Variants in AP2B1 observed in about 807,000 individuals in gnomAD.
The protein encoded by AP2B1 is AP-2 complex subunit beta.
In AP2B1, 23 loss-of-function variants were observed where a neutral mutation model predicts 102.0. The observed-to-expected ratio is 0.23, with a 90% CI of 0.16 to 0.32. The LOEUF (loss-of-function observed/expected upper bound fraction) is 0.32, where lower values mean the gene tolerates loss of function less well. Ranked by LOEUF, AP2B1 falls within the 10% of genes least tolerant of loss-of-function variation. AP2B1 has a pLI of 1.00. For missense variants in AP2B1, 541 were observed against 1,157.4 expected, an observed-to-expected ratio of 0.47 and a Z score of 7.73; for synonymous variants, 381 against 421.2, an observed-to-expected ratio of 0.90 and a Z score of 1.17.
intron 11 of AP2B1, among the ~76,000 whole-genome samples, chr17:35,640,237 T>TTC (rs2074735878): frequency 6.9e-6 from 1 of 144,410 alleles, no homozygotes; most frequent in Non-Finnish European, 1.5e-5. Flanking sequence ...ATTTTTTTTT[T>TTC]TTTTTTTTTT....
chr17:35,717,370 G>A (rs1464162480), intron 21 of AP2B1, 21 bp downstream of exon 21: 1 of 1,613,636 alleles, frequency 6.2e-7, no homozygotes, highest in African/African-American at 1.3e-5. Context: ...TCTCAGAATG[G>A]GTGAGATGGA....
chr17:35,626,346 G>C (rs944156575), intron 6 of AP2B1, among the ~76,000 whole-genome samples: 6 of 152,068 alleles, frequency 3.9e-5, no homozygotes, highest in Non-Finnish European at 8.8e-5. Flanking sequence ...GTGAGCTCAA[G>C]TGTCTTGGGT....
chr17:35,617,867 G>T (rs1436107031), intron 5 of AP2B1, among the ~76,000 whole-genome samples: 2 of 152,154 alleles, frequency 1.3e-5, no homozygotes. Context: ...ATGGTTATAG[G>T]CATGCCTTTT....
chr17:35,641,873 T>C lies in AP2B1; in HGVS notation c.1438-4T>C. The C allele has an allele frequency of 6.2e-7, 1 of 1,600,496 alleles. No individual in the cohort carries two copies. Among genetic ancestry groups the C allele is most frequent in the Non-Finnish European group, 8.6e-7 (1 of 1,169,586 alleles). Reference sequence around the variant, plus strand: ...TCACACTATCACAAATTATGTCTGTTTAGGTGCAGCTCACTCTGCTTACTG... The same window carrying C: ...TCACACTATCACAAATTATGTCTGTCTAGGTGCAGCTCACTCTGCTTACTG... On this transcript the variant is annotated splice_polypyrimidine_tract_variant and splice_region_variant and intron_variant, in intron 11 of 21. Coordinates refer to ENST00000610402, the MANE Select transcript of AP2B1 (RefSeq NM_001030006.2).
chr17:35,596,186 C>G (rs568779038), intron 2 of AP2B1, among the ~76,000 whole-genome samples: 1 of 152,292 alleles, frequency 6.6e-6, no homozygotes, highest in East Asian at 1.9e-4. Flanking sequence ...TTCTATAACA[C>G]CTGCTGCTGT....
intron 2 of AP2B1, among the ~76,000 whole-genome samples, chr17:35,594,307 C>T (rs1274457710): frequency 6.6e-6 from 1 of 152,164 alleles, no homozygotes; most frequent in Non-Finnish European, 1.5e-5. Context: ...GAAAGAGACT[C>T]CTCTTTGCTG....
intron 3 of AP2B1, among the ~76,000 whole-genome samples, chr17:35,602,236 A>G (rs2073513205): frequency 6.6e-6 from 1 of 152,232 alleles, no homozygotes; most frequent in African/African-American, 2.4e-5. Flanking sequence ...TTGAAAAATT[A>G]GGGAAAAATA....
chr17:35,619,072 G>A (rs1254282683), intron 5 of AP2B1, among the ~76,000 whole-genome samples: 1 of 152,148 alleles, frequency 6.6e-6, no homozygotes, highest in Non-Finnish European at 1.5e-5. Flanking sequence ...TGGAGACCAA[G>A]TATTAGTACT....
chr17:35,710,605 CTAA>C (rs1213876938), intron 20 of AP2B1, among the ~76,000 whole-genome samples: 22 of 152,314 alleles, frequency 1.4e-4, no homozygotes, highest in Admixed American at 1.2e-3. Context: ...CTTAAACATC[CTAA>C]TAATCAAAAA....
intron 11 of AP2B1, among the ~76,000 whole-genome samples, chr17:35,640,243 T>TATTTA (rs1555566392): frequency 3.4e-5 from 5 of 146,738 alleles, no homozygotes; most frequent in African/African-American, 1.3e-4. Context: ...TTTTTTTTTT[T>TATTTA]TTTTTTTTTT....
In AP2B1 at chr17:35,717,175, T is replaced by C. The variant is rs782441327; in HGVS notation, c.2627-20T>C. 2 of 1,612,138 alleles carry C rather than the reference T, an allele frequency of 1.2e-6. No homozygotes were observed. Among genetic ancestry groups the C allele is most frequent in the Non-Finnish European group, 1.7e-6 (2 of 1,178,952 alleles). On this transcript the variant is annotated intron_variant, in intron 20 of 21. Coordinates refer to ENST00000610402, the MANE Select transcript of AP2B1 (RefSeq NM_001030006.2). ...TGAGATTTTAACTGAAGGTGTTGGA[T>C]TTTGAATCTGTATTTCTAGACACTG...
chr17:35,602,174 G>A (rs1190419980), intron 3 of AP2B1, among the ~76,000 whole-genome samples: 1 of 152,104 alleles, frequency 6.6e-6, no homozygotes. Flanking sequence ...AAGGCTAGTG[G>A]ATGTCTGTTT....
chr17:35,597,136 C>A (rs2073316594), intron 2 of AP2B1: 1 of 500,670 alleles, frequency 2.0e-6, no homozygotes, highest in Non-Finnish European at 3.7e-6. Context: ...GAGACTGTCC[C>A]CACTGTTTCT....
chr17:35,713,318 A>C (rs2076488872), intron 20 of AP2B1, among the ~76,000 whole-genome samples: 2 of 152,216 alleles, frequency 1.3e-5, no homozygotes, highest in African/African-American at 4.8e-5. Context: ...GAAAACAGTC[A>C]TTGCATTTTC....
chr17:35,714,067 G>GT (rs1214829079), intron 20 of AP2B1, among the ~76,000 whole-genome samples: 1 of 152,158 alleles, frequency 6.6e-6, no homozygotes, highest in Non-Finnish European at 1.5e-5. Context: ...CTACAAACCA[G>GT]TTTTTTAAAT....
At chr17:35,715,312 A>G (rs226436) in intron 20 of AP2B1, among the ~76,000 whole-genome samples, 8,386 of 152,304 alleles carry the variant, frequency 0.055, 376 homozygotes, top group East Asian at 0.14. Context: ...AGAGAGAGAG[A>G]CAGAGAGAGT....
At chr17:35,642,128 A>G (rs1031812749) in intron 12 of AP2B1, among the ~76,000 whole-genome samples, 153 bp downstream of exon 12, 4 of 152,234 alleles carry the variant, frequency 2.6e-5, no homozygotes, top group African/African-American at 9.6e-5. Flanking sequence ...ATGCCTTTTT[A>G]CGTGTTCAAC....
At chr17:35,644,688 G>A (rs1306367310) in intron 12 of AP2B1, among the ~76,000 whole-genome samples, 1 of 151,958 alleles carries the variant, frequency 6.6e-6, no homozygotes, top group Non-Finnish European at 1.5e-5. Context: ...CCTGGCTGAG[G>A]CTTGCTTTTT....
chr17:35,606,468 A>G (rs934869998), intron 4 of AP2B1, among the ~76,000 whole-genome samples: 1 of 151,962 alleles, frequency 6.6e-6, no homozygotes, highest in Non-Finnish European at 1.5e-5. Flanking sequence ...TCGTGCTCCT[A>G]ACTTCAAGTG....
Sources: gnomAD v4.1 joint callset for allele counts (sites outside exome capture counted in the v4.1 genomes callset) on GRCh38, gnomAD v4.1.1 for gene constraint, MANE v1.5 for transcripts, NCBI Gene and HGNC (gene_info 2026-07-23, HGNC 2026-07-21) for gene names.